Variants in DNAJC16 observed in about 807,000 individuals in gnomAD.
DNAJC16 encodes dnaJ homolog subfamily C member 16.
A neutral mutation model predicts 92.7 loss-of-function variants in DNAJC16; 76 were observed. The ratio of observed to expected loss-of-function variants is 0.82; its 90% CI spans 0.68 to 0.99. The LOEUF (loss-of-function observed/expected upper bound fraction) is 0.99. DNAJC16 is among the 50% of genes least tolerant of loss of function. The pLI, the probability that DNAJC16 is intolerant of heterozygous loss-of-function variation, is 0.00. For missense variants in DNAJC16, 869 were observed against 942.4 expected (o/e 0.92, Z 1.02); for synonymous variants, 328 against 358.7 (o/e 0.91, Z 0.97).
chr1:15,566,350 C>A, intron 13 of DNAJC16, 170 bp downstream of exon 13: 1 of 610,120 alleles, frequency 1.6e-6, no homozygotes, highest in Non-Finnish European at 2.8e-6. Context: ...TTACTAAGAC[C>A]CTGTAGGTGT....
At chr1:15,544,615 A>T in intron 5 of DNAJC16, 32 bp downstream of exon 5, 1 of 1,606,780 alleles carries the variant, frequency 6.2e-7, no homozygotes, top group South Asian at 1.1e-5. Context: ...TATGGCTGAG[A>T]AGTAGTTTAA....
At chr1:15,534,471 C>G (rs2103404206) in intron 3 of DNAJC16, among the ~76,000 whole-genome samples, 168 bp downstream of exon 3, 1 of 152,292 alleles carries the variant, frequency 6.6e-6, no homozygotes, top group Non-Finnish European at 1.5e-5. Flanking sequence ...TGCCTGTAAT[C>G]CCAGCACTTT....
At position 15,529,114 on chromosome 1, in the gene DNAJC16, G is replaced by C. The variant is rs1243244486; in HGVS notation, c.9G>C (p.Val3=). ...TCTGGAAAGGAAGAGAAATGGAAGTGAGAAAGTTGAGCATTTCCTGGCAGT... is the reference window on the plus strand; with the variant it reads ...TCTGGAAAGGAAGAGAAATGGAAGTCAGAAAGTTGAGCATTTCCTGGCAGT... ME[V]RKLSISWQFL... The change falls in exon 2 of 15, where the codon GTG becomes GTC. Residue 3 remains valine (V), a synonymous_variant. Transcript: ENST00000375847. The C allele has an allele frequency of 6.2e-7, 1 of 1,613,472 alleles. No homozygotes were observed. Among genetic ancestry groups the C allele is most frequent in the East Asian group, 2.2e-5 (1 of 44,880 alleles).
intron 8 of DNAJC16, chr1:15,560,063 CAAAAAAAAAAA>C (rs34204724): frequency 2.7e-5 from 2 of 75,048 alleles, no homozygotes; most frequent in African/African-American, 8.8e-5. Flanking sequence ...AACTCTGTCT[CAAAAAAAAAAA>C]AAAAAAAAAC....
At chr1:15,531,077 A>G (rs535653984) in intron 2 of DNAJC16, among the ~76,000 whole-genome samples, 1 of 152,316 alleles carries the variant, frequency 6.6e-6, no homozygotes, top group Admixed American at 6.5e-5. Context: ...CCTCTGCATC[A>G]GTAGTCCATT....
rs779577064 is a variant in DNAJC16 at position 15,567,245 on chromosome 1, CT to C, written c.1928del (p.Leu643TrpfsTer17). 1 of 1,613,872 alleles carries C rather than the reference CT, an allele frequency of 6.2e-7. No individual in the cohort carries two copies. The highest frequency in any genetic ancestry group is 1.7e-5 in the Admixed American group (1 of 59,992). On this transcript the variant is annotated frameshift_variant, in exon 14 of 15. Transcript: ENST00000375847. LOFTEE classifies it high-confidence loss of function. ...AAGACCAGCCTACTACAGAAATTTG[CT>C]TTGGAGGTCTACACATTTACTGGGT... Reference protein sequence around the residue: ...STKTSLLQKFALEVYTFTGSS... With the variant: ...STKTSLLQKFXLEVYTFTGSS...
intron 2 of DNAJC16, 53 bp downstream of exon 2, chr1:15,529,325 G>A: frequency 6.6e-7 from 1 of 1,509,552 alleles, no homozygotes; most frequent in Non-Finnish European, 9.0e-7. Flanking sequence ...GTCTTAGCAG[G>A]GATGAAGTCT....
intron 7 of DNAJC16, among the ~76,000 whole-genome samples, chr1:15,556,522 C>G (rs1638576744): frequency 6.6e-6 from 1 of 152,234 alleles, no homozygotes; most frequent in Non-Finnish European, 1.5e-5. Flanking sequence ...CCGCGCCCAG[C>G]CTTGATTTTG....
In DNAJC16 at chr1:15,567,289, C is replaced by CATGT. The variant is rs778154704; in HGVS notation, c.1949+29_1949+32dup. ...TACTGGGTAAGCATGTGTGTGTGTG[C>CATGT]ATGTATGTATGTGTGTGAGAGAGAG... On this transcript the variant is annotated intron_variant, in intron 14 of 14. Transcript: ENST00000375847. 1 of 1,600,844 alleles carries CATGT rather than the reference C, an allele frequency of 6.2e-7. No individual in the cohort carries two copies. The highest frequency in any genetic ancestry group is 1.1e-5 in the South Asian group (1 of 90,554).
At chr1:15,541,500 A>T (rs1710931000) in intron 4 of DNAJC16, among the ~76,000 whole-genome samples, 1 of 152,210 alleles carries the variant, frequency 6.6e-6, no homozygotes, top group Non-Finnish European at 1.5e-5. Flanking sequence ...AGGGAAGCGG[A>T]CTATACAATT....
At chr1:15,562,541 A>G (rs1638714856) in intron 9 of DNAJC16, among the ~76,000 whole-genome samples, 1 of 149,452 alleles carries the variant, frequency 6.7e-6, no homozygotes, top group Non-Finnish European at 1.5e-5. Context: ...CTGGGAGTGC[A>G]GTGACATGAT....
rs768623288 is a variant in DNAJC16, at chr1:15,566,143, G to A, written c.1741G>A (p.Gly581Arg). ...AAAAGAGGAAGCCCAAGAGAAGACT[G>A]GGAAAACTGAGCCAAGCTTCACCAA... ...PEKEEAQEKT[G>R]KTEPSFTKEN... The change falls in exon 13 of 15, where the codon GGG becomes AGG. Residue 581 changes from glycine to arginine, a missense_variant. Physicochemically the swap from Gly to Arg is moderately radical, Grantham distance 125. Coordinates refer to ENST00000375847, the MANE Select transcript of DNAJC16 (RefSeq NM_015291.4). 5.0e-6 allele frequency: 8 copies of A among 1,613,838 alleles called. No individual in the cohort carries two copies. The South Asian group carries it at 5.5e-5, about 11-fold the overall frequency.
In DNAJC16 at chr1:15,571,469, G is replaced by C. The variant is rs944863818; in HGVS notation, c.*3292G>C. 5.9e-5 allele frequency: 9 copies of C among 152,638 alleles called. No homozygotes were observed. Among genetic ancestry groups the C allele is most frequent in the Admixed American group, 2.6e-4 (4 of 15,278 alleles). 9.5% of individuals were successfully genotyped at this position (152,638 alleles called of 1,614,324 possible). On this transcript the variant is annotated 3_prime_UTR_variant, in exon 15 of 15. Coordinates refer to ENST00000375847, the MANE Select transcript of DNAJC16 (RefSeq NM_015291.4). ...GTCTGACATTGTCCCCTAAAAACAAGTGCAGTGTGGCAGCTGCTGAATCTG... is the reference window on the plus strand; with the variant it reads ...GTCTGACATTGTCCCCTAAAAACAACTGCAGTGTGGCAGCTGCTGAATCTG...
chr1:15,550,951 C>G (rs1351663813), intron 7 of DNAJC16, among the ~76,000 whole-genome samples: 1 of 152,164 alleles, frequency 6.6e-6, no homozygotes, highest in African/African-American at 2.4e-5. Context: ...CTCACTGCAA[C>G]CTCCGCCTCC....
intron 2 of DNAJC16, among the ~76,000 whole-genome samples, 170 bp downstream of exon 2, chr1:15,529,442 G>A (rs929855988): frequency 2.0e-5 from 3 of 152,020 alleles, no homozygotes; most frequent in East Asian, 1.9e-4. Flanking sequence ...AATTGTTAGC[G>A]ATAAGATCCA....
Position 15,562,160 on chromosome 1 carries a change from G to A in DNAJC16, c.1173G>A (p.Leu391=), listed in dbSNP as rs1301979765. The change falls in exon 9 of 15, where the codon TTG becomes TTA. Residue 391 remains leucine (L), a synonymous_variant. Transcript: ENST00000375847. ...HRQRKYCVVL[L]TAETTKLSKP... ...TGTGCAGGTACTGTGTGGTTTTATT[G>A]ACTGCTGAGACTACCAAGTTGAGCA... is the stretch of plus-strand genomic sequence containing the variant. The A allele has an allele frequency of 6.2e-7, 1 of 1,613,646 alleles. No individual in the cohort carries two copies. Among genetic ancestry groups the A allele is most frequent in the East Asian group, 2.2e-5 (1 of 44,864 alleles).
At chr1:15,564,573 C>T (rs1391633542) in intron 11 of DNAJC16, among the ~76,000 whole-genome samples, 1 of 145,022 alleles carries the variant, frequency 6.9e-6, no homozygotes, top group Non-Finnish European at 1.5e-5. Flanking sequence ...CAAAGTCTTG[C>T]TCTTGTCCCC....
At chr1:15,566,363 A>C (rs2103429098) in intron 13 of DNAJC16, 183 bp downstream of exon 13, 2 of 581,042 alleles carry the variant, frequency 3.4e-6, no homozygotes, top group Non-Finnish European at 6.0e-6. Flanking sequence ...GTAGGTGTTT[A>C]GATGCCTTAG....
At chr1:15,543,389 G>C (rs1280463276) in intron 4 of DNAJC16, among the ~76,000 whole-genome samples, 2 of 152,248 alleles carry the variant, frequency 1.3e-5, no homozygotes, top group East Asian at 3.8e-4. Flanking sequence ...CCAAGGCCCT[G>C]AGGCAGGAGC....
Sources: allele counts gnomAD v4.1 joint callset (sites outside exome capture counted in the v4.1 genomes callset), GRCh38; gene constraint gnomAD v4.1.1; transcripts MANE v1.5; gene names NCBI Gene and HGNC (gene_info 2026-07-23, HGNC 2026-07-21).